Variants in RAPH1 observed in about 807,000 individuals in gnomAD.
RAPH1 encodes Ras association (RalGDS/AF-6) and pleckstrin homology domains 1, also known as ras-associated and pleckstrin homology domains-containing protein 1.
Under a neutral mutation model 88.1 loss-of-function variants are expected in RAPH1, and 18 were observed. The observed-to-expected ratio is 0.20, with a 90% confidence interval of 0.14 to 0.30. RAPH1 has a LOEUF of 0.30. Among genes scored for constraint, RAPH1 ranks in the 10% least tolerant of loss-of-function variants. The pLI, the probability that RAPH1 is intolerant of heterozygous loss-of-function variation, is 1.00. For missense variants in RAPH1, 1,448 were observed against 1,543.2 expected (o/e 0.94, Z 1.03); for synonymous variants, 587 against 559.0 (o/e 1.05, Z -0.71).
At chr2:203,444,529 G>T (rs1188072384) in intron 13 of RAPH1, 5 of 306,756 alleles carry the variant, frequency 1.6e-5, no homozygotes, top group Non-Finnish European at 2.9e-5. Flanking sequence ...GCAATAGATG[G>T]TGTTTTGCCA....
chr2:203,471,975 C>T (rs1180145421), intron 4 of RAPH1, among the ~76,000 whole-genome samples: 1 of 152,084 alleles, frequency 6.6e-6, no homozygotes, highest in Non-Finnish European at 1.5e-5. Flanking sequence ...GACTGATTGG[C>T]TCCTCCATAA....
intron 1 of RAPH1, among the ~76,000 whole-genome samples, chr2:203,512,201 G>A (rs1214070238): frequency 6.6e-6 from 1 of 151,740 alleles, no homozygotes; most frequent in Non-Finnish European, 1.5e-5. Context: ...GGCCCAGGCA[G>A]GCGGACCACT....
At chr2:203,491,965 T>C (rs1317165338) in intron 2 of RAPH1, among the ~76,000 whole-genome samples, 1 of 152,170 alleles carries the variant, frequency 6.6e-6, no homozygotes, top group Non-Finnish European at 1.5e-5. Flanking sequence ...ATAGGTGTGA[T>C]GGCTCACTTT....
chr2:203,439,957 G>C lies in RAPH1; in HGVS notation c.3233C>G (p.Pro1078Arg), dbSNP rs755437255. Residue 1078 changes from proline (P) to arginine (R), a missense_variant, in exon 14 of 14, where the codon CCT becomes CGT. Pro to Arg is a moderately radical substitution (Grantham distance 103). This residue lies in a region of RAPH1 where 935 missense variants were observed against 890.1 expected (regional missense o/e 1.05). Transcript: ENST00000319170. Reference sequence around the variant, plus strand: ...GGGGGGCAGAGGAAGCTCTGTTTCAGGTGGAGGGGGTGGAAAATCAGAATC... The same window carrying C: ...GGGGGGCAGAGGAAGCTCTGTTTCACGTGGAGGGGGTGGAAAATCAGAATC... ...PSDSDFPPPP[P>R]ETELPLPPIE... The C allele has an allele frequency of 1.2e-6, 2 of 1,613,862 alleles. No individual in the cohort carries two copies. Among genetic ancestry groups the C allele is most frequent in the Admixed American group, 3.3e-5 (2 of 60,022 alleles).
intron 4 of RAPH1, among the ~76,000 whole-genome samples, chr2:203,471,712 CTATGT>C (rs2098533247): frequency 6.6e-6 from 1 of 151,876 alleles, no homozygotes; most frequent in Admixed American, 6.6e-5. Flanking sequence ...CACATCTATA[CTATGT>C]TAAGTTTGCT....
In RAPH1 at chr2:203,454,584, A is replaced by G. The variant is rs754884729; in HGVS notation, c.1303-44T>C. On this transcript the variant is annotated intron_variant, in intron 9 of 13. Coordinates refer to ENST00000319170, the MANE Select transcript of RAPH1 (RefSeq NM_213589.3). ...AAAGATAAAATTAATAATAATGCAC[A>G]AACAAGCAAATATACCTGGTTAACA... 5 of 1,398,098 alleles carry G rather than the reference A, an allele frequency of 3.6e-6. No individual in the cohort carries two copies. In the African/African-American group the frequency reaches 7.1e-5, roughly 20 times the overall value. The allele number at this position is 1,398,098 out of a possible 1,614,324, so 86.6% of individuals were successfully genotyped here.
chr2:203,466,383 TAACTATTAACAAC>T (rs2153644585), intron 4 of RAPH1, among the ~76,000 whole-genome samples: 1 of 152,328 alleles, frequency 6.6e-6, no homozygotes, highest in South Asian at 2.1e-4. Flanking sequence ...CCATATCTTT[TAACTATTAACAAC>T]CTGGGAAAAA....
At chr2:203,514,745 G>T (rs762265187) in intron 1 of RAPH1, among the ~76,000 whole-genome samples, 19 of 152,004 alleles carry the variant, frequency 1.2e-4, no homozygotes, top group Admixed American at 2.0e-4. Flanking sequence ...TAGTAGAGAC[G>T]AGGTTTCACC....
chr2:203,475,749 TAAAAAA>T, intron 4 of RAPH1, among the ~76,000 whole-genome samples: 1 of 103,580 alleles, frequency 9.7e-6, no homozygotes, highest in East Asian at 2.8e-4. Context: ...ACTTCTTGTA[TAAAAAA>T]AAAAAAAAAA....
intron 4 of RAPH1, among the ~76,000 whole-genome samples, chr2:203,466,297 A>G (rs1367145603): frequency 6.6e-6 from 1 of 152,166 alleles, no homozygotes; most frequent in Non-Finnish European, 1.5e-5. Flanking sequence ...AAGACTCCTA[A>G]TATTTTTATG....
chr2:203,493,991 A>AG (rs1688393185), intron 2 of RAPH1, among the ~76,000 whole-genome samples: 1 of 150,344 alleles, frequency 6.7e-6, no homozygotes, highest in Admixed American at 6.7e-5. Context: ...AAAAAAAAAA[A>AG]AAAAAAAGAA....
intron 1 of RAPH1, among the ~76,000 whole-genome samples, chr2:203,505,968 G>T (rs1246133518): frequency 6.6e-6 from 1 of 152,212 alleles, no homozygotes; most frequent in African/African-American, 2.4e-5. Context: ...GCCTCAACTA[G>T]AAGTAGAAGC....
At chr2:203,489,289 TTTTAA>T (rs1289256207) in intron 4 of RAPH1, among the ~76,000 whole-genome samples, 2 of 152,204 alleles carry the variant, frequency 1.3e-5, no homozygotes, top group Admixed American at 6.5e-5. Context: ...TTGTGAATCA[TTTTAA>T]TTTTTCAAAT....
Position 203,441,323 on chromosome 2 carries a change from G to A in RAPH1, c.1867C>T (p.Gln623Ter). ...PKIVTPYTAS[Q>*]PSPPLPPPPP... The stretch of plus-strand genomic sequence containing the variant: ...GGAGGAGGTAGAGGTGGTGAAGGCT[G>A]TGAAGCAGTGTAGGGGGTGACTATC... The change falls in exon 14 of 14, where the codon CAG becomes TAG. Residue 623 changes from glutamine to a stop codon, truncating the protein, a stop_gained. Transcript: ENST00000319170. LOFTEE classifies it low-confidence loss of function (END_TRUNC). 6.4e-7 allele frequency: 1 copy of A among 1,567,664 alleles called. No homozygotes were observed. The highest frequency in any genetic ancestry group is 8.6e-7 in the Non-Finnish European group (1 of 1,157,916).
rs562277962 is a variant in RAPH1 at position 203,492,610 on chromosome 2, T to C, written c.121-1291A>G. The stretch of plus-strand genomic sequence containing the variant: ...CTTTCTAGAGCAAGGAAAAAAGATA[T>C]TTACAACAGAGAAATTCAGAGAAAG... On this transcript the variant is annotated intron_variant, in intron 2 of 13. Transcript: ENST00000319170. 3.3e-5 allele frequency among the ~76,000 whole-genome samples: 5 copies of C among 152,286 alleles called. No homozygotes were observed. The East Asian group carries it at 7.7e-4, about 23-fold the overall frequency.
chr2:203,470,074 C>A (rs144664362), intron 4 of RAPH1, among the ~76,000 whole-genome samples: 68 of 152,188 alleles, frequency 4.5e-4, no homozygotes, highest in Non-Finnish European at 9.0e-4. Flanking sequence ...TATTGCCTGA[C>A]AGTCATTAAG....
At chr2:203,443,217 G>A (rs774544205) in intron 13 of RAPH1, 5 of 152,232 alleles carry the variant, frequency 3.3e-5, no homozygotes, top group East Asian at 1.9e-4. Flanking sequence ...ATTCTCATTC[G>A]TGAATGTACC....
At chr2:203,453,914 G>GA (rs561481433) in intron 10 of RAPH1, among the ~76,000 whole-genome samples, 94 of 149,772 alleles carry the variant, frequency 6.3e-4, no homozygotes, top group Middle Eastern at 3.4e-3. Context: ...GAATAAAGAA[G>GA]AAAAAAAAAC....
intron 8 of RAPH1, 64 bp from the exon 9 acceptor site, chr2:203,455,644 T>C (rs2098518752): frequency 6.7e-7 from 1 of 1,498,092 alleles, no homozygotes; most frequent in African/African-American, 1.4e-5. Flanking sequence ...AAGTTGTGTT[T>C]ACTCCTGTGA....
Sources: allele counts gnomAD v4.1 joint callset (sites outside exome capture counted in the v4.1 genomes callset), GRCh38; gene constraint gnomAD v4.1.1; regional missense constraint gnomAD v4.1.1; transcripts MANE v1.5; gene names NCBI Gene and HGNC (gene_info 2026-07-23, HGNC 2026-07-21).